DGUOK: variants seen among roughly 807,000 people sequenced by gnomAD.
The protein encoded by DGUOK is deoxyguanosine kinase, mitochondrial.
Under a neutral mutation model 36.6 loss-of-function variants are expected in DGUOK, and 30 were observed. That is an observed-to-expected ratio of 0.82 (90% CI 0.61 to 1.11). The LOEUF (loss-of-function observed/expected upper bound fraction) is 1.11. DGUOK is among the 50% of genes most tolerant of loss of function. The pLI is 0.00. For synonymous variants in DGUOK, 145 were observed against 126.3 expected (o/e 1.15, Z -0.99); for missense variants, 361 against 336.4 (o/e 1.07, Z -0.57).
intron 4 of DGUOK, among the ~76,000 whole-genome samples, chr2:73,951,456 GTTT>G: frequency 6.9e-6 from 1 of 145,732 alleles, no homozygotes; most frequent in South Asian, 2.2e-4. Flanking sequence ...GTCAAGGTGA[GTTT>G]TTTTTTTTTA....
At chr2:73,955,663 A>G (rs1438379351) in intron 4 of DGUOK, among the ~76,000 whole-genome samples, 2 of 152,112 alleles carry the variant, frequency 1.3e-5, no homozygotes, top group Non-Finnish European at 2.9e-5. Context: ...TCACGATGCC[A>G]AGAGATCGAG....
In DGUOK at chr2:73,936,954, T is replaced by C. The variant is rs115836642; in HGVS notation, c.143-1956T>C. Among the ~76,000 whole-genome samples, 436 of 152,144 alleles carry C rather than the reference T, an allele frequency of 2.9e-3. 1 individual carries two copies. The highest frequency in any genetic ancestry group is 0.01 in the African/African-American group (419 of 41,516). On this transcript the variant is annotated intron_variant, in intron 1 of 6. Coordinates refer to ENST00000264093, the MANE Select transcript of DGUOK (RefSeq NM_080916.3). ...GTTCATCTAAACAGAACCTTGAGGA[T>C]TGAGTAAGAGTTGGTCAGGTGAGGA...
chr2:73,929,951 T>C (rs1198525540), intron 1 of DGUOK, among the ~76,000 whole-genome samples: 1 of 152,212 alleles, frequency 6.6e-6, no homozygotes, highest in South Asian at 2.1e-4. Context: ...AATTAGAGCA[T>C]GTTTTTAAGT....
At chr2:73,955,018 AC>A (rs1362506752) in intron 4 of DGUOK, among the ~76,000 whole-genome samples, 1 of 152,186 alleles carries the variant, frequency 6.6e-6, no homozygotes, top group East Asian at 1.9e-4. Flanking sequence ...GTAGGAGTTT[AC>A]TTCGACCTCT....
chr2:73,941,090 A>G (rs576524706), intron 2 of DGUOK, among the ~76,000 whole-genome samples: 2 of 152,338 alleles, frequency 1.3e-5, no homozygotes, highest in South Asian at 2.1e-4. Context: ...CATAAGAGAC[A>G]CTGTAGCTTC....
chr2:73,949,811 G>C (rs1379229753), intron 3 of DGUOK, among the ~76,000 whole-genome samples: 1 of 152,196 alleles, frequency 6.6e-6, no homozygotes, highest in African/African-American at 2.4e-5. Context: ...CCCCTGGTTT[G>C]TCTGAAGCCA....
intron 4 of DGUOK, among the ~76,000 whole-genome samples, chr2:73,955,727 A>AGTT (rs1683038925): frequency 2.0e-5 from 3 of 151,998 alleles, no homozygotes; most frequent in African/African-American, 7.3e-5. Context: ...ACAAAAAATT[A>AGTT]GTTGGGCGTG....
chr2:73,952,691 CA>C (rs1470401553), intron 4 of DGUOK, among the ~76,000 whole-genome samples: 1 of 152,108 alleles, frequency 6.6e-6, no homozygotes, highest in Non-Finnish European at 1.5e-5. Flanking sequence ...GCCATGAAGC[CA>C]GCATTGGGGA....
intron 1 of DGUOK, among the ~76,000 whole-genome samples, chr2:73,931,716 C>T (rs1371219411): frequency 6.6e-6 from 1 of 152,182 alleles, no homozygotes; most frequent in Non-Finnish European, 1.5e-5. Flanking sequence ...TTGTTTGCTG[C>T]AGTACCCATA....
At chr2:73,928,077 G>C (rs1573493888) in intron 1 of DGUOK, among the ~76,000 whole-genome samples, 2 of 152,200 alleles carry the variant, frequency 1.3e-5, no homozygotes, top group East Asian at 3.8e-4. Flanking sequence ...ATATGTTAGA[G>C]AGTAATAAGT....
chr2:73,949,018 C>A (rs1682529487), intron 3 of DGUOK, among the ~76,000 whole-genome samples: 1 of 152,194 alleles, frequency 6.6e-6, no homozygotes, highest in Non-Finnish European at 1.5e-5. Context: ...GTGGTGTAAT[C>A]TTGGCTCACT....
At chr2:73,948,050 ACGT>A (rs1350409431) in intron 3 of DGUOK, 1 of 152,198 alleles carries the variant, frequency 6.6e-6, no homozygotes, top group Non-Finnish European at 1.5e-5. Flanking sequence ...TTCCTTGTGT[ACGT>A]ACCCCGAGAG....
chr2:73,927,903 T>C (rs1053089230), intron 1 of DGUOK, among the ~76,000 whole-genome samples: 2 of 152,208 alleles, frequency 1.3e-5, no homozygotes, highest in African/African-American at 2.4e-5. Flanking sequence ...GAATTTCTTT[T>C]TTTATTCATT....
chr2:73,945,197 A>C (rs1470247375), intron 2 of DGUOK, among the ~76,000 whole-genome samples: 1 of 152,222 alleles, frequency 6.6e-6, no homozygotes. Context: ...TCCATCTGTG[A>C]GAATTCTACT....
intron 4 of DGUOK, 32 bp downstream of exon 4, chr2:73,950,764 G>T: frequency 6.2e-7 from 1 of 1,613,692 alleles, no homozygotes; most frequent in Non-Finnish European, 8.5e-7. Flanking sequence ...TAGACTTTAG[G>T]GCCATATGAA....
At chr2:73,942,517 A>G (rs1191443879) in intron 2 of DGUOK, among the ~76,000 whole-genome samples, 2 of 152,156 alleles carry the variant, frequency 1.3e-5, no homozygotes, top group African/African-American at 4.8e-5. Flanking sequence ...TCTTTTTTCC[A>G]CATCATCTTC....
intron 1 of DGUOK, among the ~76,000 whole-genome samples, chr2:73,927,299 A>G (rs1680675256): frequency 6.6e-6 from 1 of 152,264 alleles, no homozygotes; most frequent in Non-Finnish European, 1.5e-5. Flanking sequence ...CAGTTAGTGG[A>G]TAGGACAAGA....
At chr2:73,931,320 G>A (rs1455208425) in intron 1 of DGUOK, among the ~76,000 whole-genome samples, 2 of 152,040 alleles carry the variant, frequency 1.3e-5, no homozygotes, top group Admixed American at 1.3e-4. Context: ...TGTCACCCAG[G>A]CTGGAGTGCA....
chr2:73,929,769 TTTAGGAGTG>T (rs1342727544), intron 1 of DGUOK, among the ~76,000 whole-genome samples: 4 of 152,050 alleles, frequency 2.6e-5, no homozygotes, highest in African/African-American at 9.7e-5. Flanking sequence ...AAAGAACAGT[TTTAGGAGTG>T]TTAGGAGTGA....
Sources: allele counts gnomAD v4.1 joint callset (sites outside exome capture counted in the v4.1 genomes callset), GRCh38; gene constraint gnomAD v4.1.1; transcripts MANE v1.5; gene names NCBI Gene and HGNC (gene_info 2026-07-23, HGNC 2026-07-21).